PDPR: variants seen among roughly 807,000 people sequenced by gnomAD.
PDPR encodes pyruvate dehydrogenase phosphatase regulatory subunit.
A neutral mutation model predicts 102.2 loss-of-function variants in PDPR; 50 were observed. The observed-to-expected ratio is 0.49, with a 90% CI of 0.39 to 0.62. PDPR has a LOEUF of 0.62. Ranked by LOEUF, PDPR falls within the 20% of genes least tolerant of loss-of-function variation. The pLI, the probability that PDPR is intolerant of heterozygous loss-of-function variation, is 0.00. For missense variants in PDPR, 625 were observed against 1,098.2 expected, an observed-to-expected ratio of 0.57 and a Z score of 6.09; for synonymous variants, 259 against 406.0, an observed-to-expected ratio of 0.64 and a Z score of 4.35.
In PDPR at chr16:70,162,369, T is replaced by TTA. The variant is rs1413542325; in HGVS notation, c.*5491_*5492insAT. ...CGAGGCACTTCAGTAAGTGGGATCT[T>TTA]TTCTAGAGATCCTGGGTGACTTTGG... On this transcript the variant is annotated 3_prime_UTR_variant, in exon 19 of 19. Transcript: ENST00000288050. 6.6e-6 allele frequency: 1 copy of TTA among 152,586 alleles called. No individual in the cohort carries two copies. The highest frequency in any genetic ancestry group is 1.5e-5 in the Non-Finnish European group (1 of 68,242). The allele number at this position is 152,586 out of a possible 1,614,324, so 9.5% of individuals were successfully genotyped here. A position where few individuals can be genotyped will look rare whatever the true frequency, so the allele number is the denominator to read the frequency against.
At position 70,136,080 on chromosome 16, in the gene PDPR, A is replaced by G; in HGVS notation, c.998-114A>G. 4.2e-6 allele frequency: 4 copies of G among 954,570 alleles called. No individual in the cohort carries two copies. In the South Asian group the frequency reaches 7.4e-5, roughly 18 times the overall value. The allele number at this position is 954,570 out of a possible 1,614,324, so 59.1% of individuals were successfully genotyped here. On this transcript the variant is annotated intron_variant, in intron 9 of 18. Coordinates refer to ENST00000288050, the MANE Select transcript of PDPR (RefSeq NM_017990.5). ...TGAGACTCCATCTCAAAAAAAAAAA[A>G]AAAAAAAATCAAGAGGTTTTCTGAA...
At chr16:70,149,794 C>G (rs1380206887) in intron 17 of PDPR, among the ~76,000 whole-genome samples, 2 of 152,218 alleles carry the variant, frequency 1.3e-5, no homozygotes, top group Non-Finnish European at 2.9e-5. Flanking sequence ...CTTCCTTCTC[C>G]AGAACCTTTT....
intron 10 of PDPR, among the ~76,000 whole-genome samples, chr16:70,136,729 T>A (rs1965177626): frequency 6.6e-6 from 1 of 152,184 alleles, no homozygotes; most frequent in Admixed American, 6.6e-5. Flanking sequence ...AGGTAGGTAT[T>A]TGAACTAGGT....
intron 16 of PDPR, among the ~76,000 whole-genome samples, chr16:70,147,962 C>T (rs1373864334): frequency 5.9e-5 from 9 of 152,192 alleles, no homozygotes; most frequent in East Asian, 1.9e-4. Context: ...CGTCAGTGGC[C>T]GCTGTTAGGG....
At chr16:70,140,915 C>G (rs935485097) in intron 11 of PDPR, among the ~76,000 whole-genome samples, 1 of 152,258 alleles carries the variant, frequency 6.6e-6, no homozygotes, top group African/African-American at 2.4e-5. Context: ...GAGAACCCCA[C>G]CTGGCTTCCT....
In PDPR at chr16:70,156,507, G is replaced by T. The variant is rs377318883; in HGVS notation, c.2268G>T (p.Leu756=). The change falls in exon 19 of 19, where the codon CTG becomes CTT. Residue 756 remains leucine, a synonymous_variant. Coordinates refer to ENST00000288050, the MANE Select transcript of PDPR (RefSeq NM_017990.5). ...GMDFIGRDAL[L]QQKQNGVYKR... ...ATTTCATTGGTCGCGACGCCCTCCT[G>T]CAGCAGAAGCAGAATGGAGTGTATA... is the stretch of plus-strand genomic sequence containing the variant. 2.5e-6 allele frequency: 4 copies of T among 1,613,842 alleles called. No homozygotes were observed. Among genetic ancestry groups the T allele is most frequent in the Admixed American group, 3.3e-5 (2 of 59,998 alleles).
chr16:70,144,752 C>G lies in PDPR; in HGVS notation c.1867+219C>G, dbSNP rs560870249. Among the ~76,000 whole-genome samples, 5 of 152,284 alleles carry G rather than the reference C, an allele frequency of 3.3e-5. No individual in the cohort carries two copies. The East Asian group carries it at 9.7e-4, about 29-fold the overall frequency. On this transcript the variant is annotated intron_variant, in intron 15 of 18. Coordinates refer to ENST00000288050, the MANE Select transcript of PDPR (RefSeq NM_017990.5). ...TTGGAGGATCACTAGGTCAGGAGTT[C>G]GAGACCAACCTGGACTATATGGTGA...
chr16:70,143,078 C>T (rs562836992), intron 13 of PDPR, among the ~76,000 whole-genome samples: 12 of 152,318 alleles, frequency 7.9e-5, no homozygotes, highest in African/African-American at 2.9e-4. Context: ...ACTTGTAATC[C>T]CAGCTACTCG....
chr16:70,148,606 C>G, intron 17 of PDPR, 53 bp downstream of exon 17: 1 of 1,490,976 alleles, frequency 6.7e-7, no homozygotes. Context: ...CCTTCCCTTC[C>G]CTTCCCTTCC....
chr16:70,146,210 C>T lies in PDPR; in HGVS notation c.1944C>T (p.Phe648=), dbSNP rs1403653244. The T allele has an allele frequency of 6.2e-7, 1 of 1,613,790 alleles. No homozygotes were observed. Among genetic ancestry groups the T allele is most frequent in the Non-Finnish European group, 8.5e-7 (1 of 1,179,846 alleles). ...ATGCCCCTATGACTCCAGACCACTT[C>T]CCAAGCCTCTTTTGCAAGGTAAGTG... ...LSYAPMTPDH[F]PSLFCKEMSV... Residue 648 remains phenylalanine (F), a synonymous_variant, in exon 16 of 19, where the codon TTC becomes TTT. Coordinates refer to ENST00000288050, the MANE Select transcript of PDPR (RefSeq NM_017990.5).
chr16:70,142,104 A>C (rs1353787296), intron 11 of PDPR, 130 bp from the exon 12 acceptor site: 14 of 1,161,792 alleles, frequency 1.2e-5, no homozygotes, highest in African/African-American at 1.6e-5. Flanking sequence ...CCGTCTTAAA[A>C]AAAAAAAAAA....
rs1360849970 is a variant in PDPR at position 70,162,215 on chromosome 16, T to C, written c.*5336T>C. ...TAACACTTTACTCTCCAGTCAACAC[T>C]TGGGACATATAAAAATGCCATTGTA... On this transcript the variant is annotated 3_prime_UTR_variant, in exon 19 of 19. Coordinates refer to ENST00000288050, the MANE Select transcript of PDPR (RefSeq NM_017990.5). The C allele has an allele frequency of 3.3e-5, 5 of 152,488 alleles. No homozygotes were observed. Among genetic ancestry groups the C allele is most frequent in the Admixed American group, 6.5e-5 (1 of 15,290 alleles). 9.4% of individuals were successfully genotyped at this position (152,488 alleles called of 1,614,324 possible). A position where few individuals can be genotyped will look rare whatever the true frequency, so the allele number is the denominator to read the frequency against.
Position 70,136,583 on chromosome 16 carries a change from G to A in PDPR, c.1190+197G>A, listed in dbSNP as rs369241375. ...CTCCCCATGTTCCAGAAATGTCATCGGGCAAAATGTTTTTGCAACTCATCT... is the reference window on the plus strand; with the variant it reads ...CTCCCCATGTTCCAGAAATGTCATCAGGCAAAATGTTTTTGCAACTCATCT... On this transcript the variant is annotated intron_variant, in intron 10 of 18. Transcript: ENST00000288050. Among the ~76,000 whole-genome samples, 1,127 of 151,042 alleles carry A rather than the reference G, an allele frequency of 7.5e-3. 1 individual carries two copies. Among genetic ancestry groups the A allele is most frequent in the African/African-American group, 9.8e-3 (402 of 41,170 alleles).
intron 15 of PDPR, among the ~76,000 whole-genome samples, chr16:70,145,242 A>T (rs1966135300): frequency 6.6e-6 from 1 of 152,302 alleles, no homozygotes; most frequent in African/African-American, 2.4e-5. Context: ...GGTTCAAGCG[A>T]TTCTTCTGCC....
Position 70,148,566 on chromosome 16 carries a change from CCTTCCCTTCCCTTCCCTTCA to C in PDPR, c.2052+33_2052+52del, listed in dbSNP as rs775315925. On this transcript the variant is annotated intron_variant, in intron 17 of 18. Coordinates refer to ENST00000288050, the MANE Select transcript of PDPR (RefSeq NM_017990.5). ...CATCCCCATAGAGGTGAGAGGGCAC[CCTTCCCTTCCCTTCCCTTCA>C]CTTCCCTTCCCTTCCCTTCCCTTCC... is the stretch of plus-strand genomic sequence containing the variant. 2.9e-5 allele frequency: 45 copies of C among 1,571,334 alleles called. No individual in the cohort carries two copies. Among genetic ancestry groups the C allele is most frequent in the Middle Eastern group, 1.7e-4 (1 of 5,978 alleles).
chr16:70,156,217 C>G (rs1967166027), intron 18 of PDPR: 2 of 532,840 alleles, frequency 3.8e-6, no homozygotes, highest in African/African-American at 3.8e-5. Context: ...TCTATCTGGT[C>G]TTGTGACTTT....
chr16:70,124,693 A>G (rs1230157084), intron 3 of PDPR, among the ~76,000 whole-genome samples: 4 of 152,266 alleles, frequency 2.6e-5, no homozygotes, highest in Non-Finnish European at 4.4e-5. Flanking sequence ...CACCAGAGCT[A>G]TAGGTGCTGA....
At chr16:70,127,683 C>A (rs1163178358) in intron 4 of PDPR, among the ~76,000 whole-genome samples, 8 of 152,270 alleles carry the variant, frequency 5.3e-5, no homozygotes, top group East Asian at 3.8e-4. Flanking sequence ...AAATAAGATA[C>A]CAAATTGCTT....
chr16:70,153,281 C>G lies in PDPR; in HGVS notation c.2053-110C>G, dbSNP rs551812882. 5.8e-6 allele frequency: 7 copies of G among 1,198,568 alleles called. No individual in the cohort carries two copies. In the African/African-American group the frequency reaches 1.1e-4, roughly 19 times the overall value. The allele number at this position is 1,198,568 out of a possible 1,614,324, so 74.2% of individuals were successfully genotyped here. ...GATGAGACATCCTGGGAGTTTTATA[C>G]GCCTCCTCTCTTGTCCATGTTAATA... On this transcript the variant is annotated intron_variant, in intron 17 of 18. Coordinates refer to ENST00000288050, the MANE Select transcript of PDPR (RefSeq NM_017990.5).
Sources: allele counts gnomAD v4.1 joint callset (sites outside exome capture counted in the v4.1 genomes callset), GRCh38; gene constraint gnomAD v4.1.1; transcripts MANE v1.5; gene names NCBI Gene and HGNC (gene_info 2026-07-23, HGNC 2026-07-21).